The following IGF2BP3 variants were observed in gnomAD, a reference collection of about 807,000 sequenced individuals.
The protein encoded by IGF2BP3 is insulin like growth factor 2 mRNA binding protein 3.
IGF2BP3 carries 9 observed loss-of-function variants against 73.8 expected under a neutral mutation model. The observed-to-expected ratio is 0.12, with a 90% CI of 0.07 to 0.21. IGF2BP3 has a LOEUF of 0.21. Among genes scored for constraint, IGF2BP3 ranks in the 10% least tolerant of loss-of-function variants. IGF2BP3 has a pLI of 1.00. For missense variants in IGF2BP3, 542 were observed against 714.0 expected (o/e 0.76, Z 2.75); for synonymous variants, 258 against 256.7 (o/e 1.01, Z -0.05).
At chr7:23,332,376 C>CA (rs879749509) in intron 10 of IGF2BP3, among the ~76,000 whole-genome samples, 64 of 152,286 alleles carry the variant, frequency 4.2e-4, no homozygotes, top group African/African-American at 1.4e-3. Flanking sequence ...TACAACTTGG[C>CA]AAAGTTCTCT....
chr7:23,367,849 A>C (rs1785425456), intron 3 of IGF2BP3, among the ~76,000 whole-genome samples: 1 of 152,102 alleles, frequency 6.6e-6, no homozygotes, highest in Admixed American at 6.5e-5. Flanking sequence ...AAATATACAA[A>C]AATTAGCTGG....
chr7:23,468,348 G>A (rs1027795019), intron 2 of IGF2BP3, 134 bp downstream of exon 2: 3 of 878,628 alleles, frequency 3.4e-6, no homozygotes, highest in Admixed American at 1.9e-5. Flanking sequence ...AAACTTAAAA[G>A]CAAGGATTAA....
chr7:23,379,224 A>G (rs1785828903), intron 3 of IGF2BP3, among the ~76,000 whole-genome samples: 1 of 152,204 alleles, frequency 6.6e-6, no homozygotes, highest in Non-Finnish European at 1.5e-5. Flanking sequence ...GTAGTTCTAC[A>G]AGGCAAACCA....
intron 3 of IGF2BP3, among the ~76,000 whole-genome samples, chr7:23,412,173 G>C (rs1209959194): frequency 1.3e-5 from 2 of 151,682 alleles, no homozygotes; most frequent in Non-Finnish European, 2.9e-5. Context: ...AGTAGAGATT[G>C]GGTTTTGCCA....
chr7:23,390,247 A>G (rs1786229533), intron 3 of IGF2BP3, among the ~76,000 whole-genome samples: 1 of 152,192 alleles, frequency 6.6e-6, no homozygotes, highest in Admixed American at 6.5e-5. Context: ...ATACCTGCAT[A>G]GAAGTATGAA....
At chr7:23,400,953 C>T (rs1054774522) in intron 3 of IGF2BP3, among the ~76,000 whole-genome samples, 4 of 152,146 alleles carry the variant, frequency 2.6e-5, no homozygotes, top group African/African-American at 9.7e-5. Context: ...GCACGTGCCA[C>T]CACACAAGGC....
chr7:23,368,853 C>T (rs766727544), intron 3 of IGF2BP3, among the ~76,000 whole-genome samples: 13 of 150,788 alleles, frequency 8.6e-5, no homozygotes, highest in Admixed American at 2.0e-4. Context: ...GCTGAGATGG[C>T]GCCATTGCAC....
chr7:23,391,073 A>T (rs1226938614), intron 3 of IGF2BP3, among the ~76,000 whole-genome samples: 1 of 146,856 alleles, frequency 6.8e-6, no homozygotes, highest in Non-Finnish European at 1.5e-5. Context: ...TGCTGGGATT[A>T]CAGGCGTGAA....
chr7:23,384,826 G>A (rs1234687870), intron 3 of IGF2BP3, among the ~76,000 whole-genome samples: 1 of 152,222 alleles, frequency 6.6e-6, no homozygotes, highest in East Asian at 1.9e-4. Flanking sequence ...CAGAGGCAAA[G>A]GTTGTAGTGA....
intron 2 of IGF2BP3, among the ~76,000 whole-genome samples, chr7:23,466,677 CT>C (rs1436978771): frequency 6.6e-6 from 1 of 152,102 alleles, no homozygotes; most frequent in Non-Finnish European, 1.5e-5. Context: ...AAGCAAAAGC[CT>C]TTAAGAATAA....
chr7:23,363,228 A>C (rs1257152995), intron 3 of IGF2BP3, among the ~76,000 whole-genome samples: 1 of 152,186 alleles, frequency 6.6e-6, no homozygotes, highest in African/African-American at 2.4e-5. Flanking sequence ...TGAAACATAT[A>C]ACAAGGTTTG....
At chr7:23,329,748 T>G (rs188938120) in intron 10 of IGF2BP3, among the ~76,000 whole-genome samples, 2 of 152,168 alleles carry the variant, frequency 1.3e-5, no homozygotes, top group East Asian at 3.8e-4. Flanking sequence ...CAAGATCAGT[T>G]TGGGTCTCCT....
chr7:23,317,540 CTCTT>C, intron 12 of IGF2BP3, 95 bp downstream of exon 12: 1 of 834,838 alleles, frequency 1.2e-6, no homozygotes, highest in South Asian at 1.5e-5. Context: ...TTTCCATTGA[CTCTT>C]TCTGAGATTT....
intron 3 of IGF2BP3, among the ~76,000 whole-genome samples, chr7:23,391,084 C>G (rs1208050099): frequency 6.7e-6 from 1 of 149,156 alleles, no homozygotes; most frequent in Non-Finnish European, 1.5e-5. Flanking sequence ...CAGGCGTGAA[C>G]CATCGCGCCT....
chr7:23,396,745 T>A (rs1476760169), intron 3 of IGF2BP3, among the ~76,000 whole-genome samples: 1 of 152,090 alleles, frequency 6.6e-6, no homozygotes, highest in Non-Finnish European at 1.5e-5. Context: ...AGAAAATGTA[T>A]GCAAAAAGTC....
chr7:23,431,006 G>A (rs1024190448), intron 2 of IGF2BP3, among the ~76,000 whole-genome samples: 4 of 152,136 alleles, frequency 2.6e-5, no homozygotes, highest in Non-Finnish European at 5.9e-5. Context: ...ACTGAAAAAA[G>A]TGCATCACTA....
intron 3 of IGF2BP3, chr7:23,366,010 C>T (rs563016619): frequency 6.6e-6 from 1 of 151,888 alleles, no homozygotes; most frequent in African/African-American, 2.4e-5. Context: ...AGTTATAAAA[C>T]CACACACACA....
intron 2 of IGF2BP3, among the ~76,000 whole-genome samples, chr7:23,465,523 TC>T (rs34021878): frequency 1.3e-5 from 2 of 150,806 alleles, no homozygotes; most frequent in African/African-American, 2.4e-5. Flanking sequence ...CCTGAAAGGG[TC>T]CCCCCCCAAG....
At chr7:23,341,343 G>A (rs74339150) in intron 10 of IGF2BP3, among the ~76,000 whole-genome samples, 1,564 of 152,192 alleles carry the variant, frequency 0.01, 31 homozygotes, top group African/African-American at 0.036. Context: ...AAAGATGAAA[G>A]AAGCCTTTAA....
Sources: allele counts gnomAD v4.1 joint callset (sites outside exome capture counted in the v4.1 genomes callset), GRCh38; gene constraint gnomAD v4.1.1; transcripts MANE v1.5; gene names NCBI Gene and HGNC (gene_info 2026-07-23, HGNC 2026-07-21).